NCKAP1L: variants seen among roughly 807,000 people sequenced by gnomAD.
NCKAP1L encodes the protein NCK associated protein 1 like.
Under a neutral mutation model 139.2 loss-of-function variants are expected in NCKAP1L, and 53 were observed. That is an observed-to-expected ratio of 0.38 (90% confidence interval 0.31 to 0.48). The LOEUF is 0.48. Ranked by LOEUF, NCKAP1L falls within the 20% of genes least tolerant of loss-of-function variation. The pLI is 0.98. For synonymous variants in NCKAP1L, 468 were observed against 499.7 expected, an observed-to-expected ratio of 0.94 and a Z score of 0.85; for missense variants, 1,151 against 1,381.9, an observed-to-expected ratio of 0.83 and a Z score of 2.65.
chr12:54,513,971 T>TGTGC (rs1212162714), intron 9 of NCKAP1L, among the ~76,000 whole-genome samples: 1 of 42,726 alleles, frequency 2.3e-5, no homozygotes, highest in Non-Finnish European at 5.8e-5. Context: ...CCTTCAGATG[T>TGTGC]GTGTGTGTGT....
Position 54,543,035 on chromosome 12 carries a change from C to T in NCKAP1L, c.*350C>T, listed in dbSNP as rs1957172515. Reference sequence around the variant, plus strand: ...GCATGGGCCTCTCCGACCTTCATCACTATTCTTAGGATAATGCTGGCGGGC... The same window carrying T: ...GCATGGGCCTCTCCGACCTTCATCATTATTCTTAGGATAATGCTGGCGGGC... On this transcript the variant is annotated 3_prime_UTR_variant, in exon 31 of 31. Transcript: ENST00000293373. 2 of 210,782 alleles carry T rather than the reference C, an allele frequency of 9.5e-6. No homozygotes were observed. Among genetic ancestry groups the T allele is most frequent in the Admixed American group, 1.1e-4 (2 of 18,754 alleles). 13.1% of individuals were successfully genotyped at this position (210,782 alleles called of 1,614,324 possible).
chr12:54,525,741 T>G (rs201943924), intron 20 of NCKAP1L, among the ~76,000 whole-genome samples: 1 of 151,834 alleles, frequency 6.6e-6, no homozygotes, highest in South Asian at 2.1e-4. Context: ...TCCCATCCCC[T>G]CCCCTGCCAT....
rs1375791880 is a variant in NCKAP1L at position 54,526,750 on chromosome 12, A to G, written c.2375+4A>G. 3.7e-6 allele frequency: 6 copies of G among 1,611,470 alleles called. No individual in the cohort carries two copies. Among genetic ancestry groups the G allele is most frequent in the Non-Finnish European group, 2.5e-6 (3 of 1,178,270 alleles). On this transcript the variant is annotated splice_donor_region_variant and intron_variant, in intron 21 of 30. Coordinates refer to ENST00000293373, the MANE Select transcript of NCKAP1L (RefSeq NM_005337.5). ...TCACCACACTCTACACAAACTGGTC[A>G]GTGTTGCTTAGGCTTTTCCACTGCC... is the stretch of plus-strand genomic sequence containing the variant.
chr12:54,521,886 A>G lies in NCKAP1L; in HGVS notation c.1878+648A>G, dbSNP rs61923485. Among the ~76,000 whole-genome samples the G allele has an allele frequency of 6.5e-3, 954 of 147,304 alleles. 5 individuals are homozygous for G. Among genetic ancestry groups the G allele is most frequent in the Non-Finnish European group, 7.3e-3 (482 of 66,456 alleles). On this transcript the variant is annotated intron_variant, in intron 18 of 30. Coordinates refer to ENST00000293373, the MANE Select transcript of NCKAP1L (RefSeq NM_005337.5). Reference sequence around the variant, plus strand: ...AGGCTTGGTAAAGGGGAGTGTGTGTATGTGTGTGTGTGTGTGTGTGTGTGT... The same window carrying G: ...AGGCTTGGTAAAGGGGAGTGTGTGTGTGTGTGTGTGTGTGTGTGTGTGTGT...
chr12:54,511,964 G>A lies in NCKAP1L; in HGVS notation c.800G>A (p.Cys267Tyr), dbSNP rs1189237535. Residue 267 changes from cysteine to tyrosine, a missense_variant, in exon 9 of 31, where the codon TGT (cysteine) becomes TAT (tyrosine). Physicochemically the swap from Cys to Tyr is radical, Grantham distance 194 (BLOSUM62 -2). Transcript: ENST00000293373. ...ERWIIIGFLL[C>Y]HGCLNSNSQC... Reference sequence around the variant, plus strand: ...CCACCTACAGTTGGGTTTCTTCTTTGTCATGGGTGCCTCAACTCCAATAGC... The same window carrying A: ...CCACCTACAGTTGGGTTTCTTCTTTATCATGGGTGCCTCAACTCCAATAGC... 6.2e-7 allele frequency: 1 copy of A among 1,614,184 alleles called. No individual in the cohort carries two copies. Among genetic ancestry groups the A allele is most frequent in the Non-Finnish European group, 8.5e-7 (1 of 1,180,024 alleles).
At chr12:54,510,407 T>C (rs1395256678) in intron 7 of NCKAP1L, 1 of 402,336 alleles carries the variant, frequency 2.5e-6, no homozygotes, top group Non-Finnish European at 5.0e-6. Flanking sequence ...TACTGCAGCC[T>C]CCACCTCCTG....
intron 30 of NCKAP1L, among the ~76,000 whole-genome samples, chr12:54,539,499 C>T (rs1957140694): frequency 6.6e-6 from 1 of 152,230 alleles, no homozygotes; most frequent in African/African-American, 2.4e-5. Context: ...GTCTCTTCTC[C>T]TTGCTTCCCA....
intron 9 of NCKAP1L, among the ~76,000 whole-genome samples, chr12:54,513,761 G>T (rs1161933476): frequency 1.3e-5 from 2 of 152,126 alleles, no homozygotes. Context: ...TGAGAGATAT[G>T]GAATTTAATA....
intron 16 of NCKAP1L, among the ~76,000 whole-genome samples, chr12:54,519,945 T>C (rs916844679): frequency 5.3e-5 from 8 of 151,580 alleles, no homozygotes; most frequent in Non-Finnish European, 1.0e-4. Flanking sequence ...TGAGTTTTAG[T>C]GGACAGGAGT....
chr12:54,522,752 C>T (rs1268103834), intron 18 of NCKAP1L, among the ~76,000 whole-genome samples: 1 of 152,212 alleles, frequency 6.6e-6, no homozygotes, highest in Admixed American at 6.5e-5. Context: ...TGCTCATGCT[C>T]AGCAGCTCTG....
Position 54,519,331 on chromosome 12 carries a change from TG to T in NCKAP1L, c.1625+1del. 6.4e-7 allele frequency: 1 copy of T among 1,560,526 alleles called. No individual in the cohort carries two copies. Among genetic ancestry groups the T allele is most frequent in the Admixed American group, 2.3e-5 (1 of 43,852 alleles). ...GGAAACTTCTGATCTGTCTACTTTC[TG>T]GTATGTCTTGGTTCAGAGCTCTCTT... ...LVETSDLSTF[C>X]FHLRIFEKMF... On this transcript the variant is annotated frameshift_variant and splice_region_variant, in exon 16 of 31. Coordinates refer to ENST00000293373, the MANE Select transcript of NCKAP1L (RefSeq NM_005337.5). LOFTEE classifies it high-confidence loss of function.
At chr12:54,533,605 G>A (rs765005947) in intron 26 of NCKAP1L, among the ~76,000 whole-genome samples, 9 of 151,748 alleles carry the variant, frequency 5.9e-5, no homozygotes, top group African/African-American at 1.9e-4. Context: ...ACAGAGTCTC[G>A]CTGTGTTGCC....
At chr12:54,528,207 G>C (rs1957041748) in intron 21 of NCKAP1L, 40 bp from the exon 22 acceptor site, 4 of 1,607,098 alleles carry the variant, frequency 2.5e-6, no homozygotes, top group Non-Finnish European at 3.4e-6. Context: ...AGGGAGAAGG[G>C]ATTGGATCCT....
At position 54,542,440 on chromosome 12, in the gene NCKAP1L, G is replaced by A. The variant is rs548317404; in HGVS notation, c.3274-135G>A. 2.9e-3 allele frequency: 1,983 copies of A among 685,252 alleles called. 6 individuals are homozygous for A. The highest frequency in any genetic ancestry group is 4.2e-3 in the Non-Finnish European group (1,595 of 382,528). The allele number at this position is 685,252 out of a possible 1,614,324, so 42.4% of individuals were successfully genotyped here. On this transcript the variant is annotated intron_variant, in intron 30 of 30. Transcript: ENST00000293373. Reference sequence around the variant, plus strand: ...GCAGCCAAACCAAGTGAGGGAAGAGGGGGGTGTGATTTGGAACCCTGTTCA... The same window carrying A: ...GCAGCCAAACCAAGTGAGGGAAGAGAGGGGTGTGATTTGGAACCCTGTTCA...
chr12:54,535,587 T>G (rs140291765), intron 27 of NCKAP1L, among the ~76,000 whole-genome samples: 1 of 152,370 alleles, frequency 6.6e-6, no homozygotes, highest in African/African-American at 2.4e-5. Flanking sequence ...AAACTCCCCA[T>G]AGTGATTTTG....
intron 22 of NCKAP1L, 53 bp from the exon 23 acceptor site, chr12:54,531,207 A>C: frequency 3.7e-6 from 5 of 1,341,700 alleles, no homozygotes; most frequent in Non-Finnish European, 5.3e-6. Context: ...CTGTTGTACA[A>C]ATACTCCAGT....
intron 26 of NCKAP1L, among the ~76,000 whole-genome samples, chr12:54,532,981 A>G (rs1471873190): frequency 1.3e-5 from 2 of 152,254 alleles, no homozygotes; most frequent in Admixed American, 1.3e-4. Flanking sequence ...CTGTGTTAAG[A>G]GGAAACTAGT....
At chr12:54,503,708 C>T (rs1211913126) in intron 3 of NCKAP1L, among the ~76,000 whole-genome samples, 10 of 149,966 alleles carry the variant, frequency 6.7e-5, no homozygotes, top group South Asian at 2.1e-4. Flanking sequence ...GGCGTGATCT[C>T]GGCTCACTGC....
intron 10 of NCKAP1L, 32 bp from the exon 11 acceptor site, chr12:54,516,864 G>T: frequency 6.3e-7 from 1 of 1,588,054 alleles, no homozygotes. Context: ...GGGTGGGAGA[G>T]GTGATAGTCA....
Sources: allele counts gnomAD v4.1 joint callset (sites outside exome capture counted in the v4.1 genomes callset), GRCh38; gene constraint gnomAD v4.1.1; transcripts MANE v1.5; gene names NCBI Gene and HGNC (gene_info 2026-07-23, HGNC 2026-07-21).